Variants in GABRG3 observed in about 807,000 individuals in gnomAD.
The protein encoded by GABRG3 is gamma-aminobutyric acid type A receptor subunit gamma3, also known as gamma-aminobutyric acid receptor subunit gamma-3.
A neutral mutation model predicts 48.8 loss-of-function variants in GABRG3; 25 were observed. That is an observed-to-expected ratio of 0.51 (90% CI 0.37 to 0.72). The LOEUF (loss-of-function observed/expected upper bound fraction) is 0.72, where lower values mean the gene tolerates loss of function less well. Ranked by LOEUF, GABRG3 falls within the 30% of genes least tolerant of loss-of-function variation. GABRG3 has a pLI of 0.00. For synonymous variants in GABRG3, 227 were observed against 217.6 expected, an observed-to-expected ratio of 1.04 and a Z score of -0.38; for missense variants, 394 against 577.9, an observed-to-expected ratio of 0.68 and a Z score of 3.26.
chr15:27,129,299 A>C (rs1223130268), intron 3 of GABRG3, among the ~76,000 whole-genome samples: 1 of 152,220 alleles, frequency 6.6e-6, no homozygotes, highest in Non-Finnish European at 1.5e-5. Context: ...ATATAGTGGA[A>C]TCATACAGCA....
At chr15:27,247,667 AAAAG>A (rs1031522233) in intron 3 of GABRG3, among the ~76,000 whole-genome samples, 1 of 152,206 alleles carries the variant, frequency 6.6e-6, no homozygotes, top group African/African-American at 2.4e-5. Context: ...GGCAAATTAA[AAAAG>A]AAAGAGGTTT....
At chr15:27,307,237 T>C (rs1892610800) in intron 3 of GABRG3, among the ~76,000 whole-genome samples, 2 of 134,804 alleles carry the variant, frequency 1.5e-5, no homozygotes, top group Admixed American at 1.6e-4. Flanking sequence ...TTATATTATA[T>C]GTTTATATAT....
rs1894900921 is a variant in GABRG3, at chr15:26,974,502, T to G, written c.54-2500T>G. 6.8e-6 allele frequency among the ~76,000 whole-genome samples: 1 copy of G among 146,692 alleles called. No individual in the cohort carries two copies. ...TGGTCTGGCTCTGTAGTGGTGGGGG[T>G]AGGAGAGGGGAGGAGAACGGGAGGG... is the stretch of plus-strand genomic sequence containing the variant. On this transcript the variant is annotated intron_variant, in intron 1 of 9. Transcript: ENST00000615808. This position sits in a 1 kb window ranked among gnomAD's most constrained non-coding sequence, Gnocchi z 4.3.
Position 27,533,540 on chromosome 15 carries a change from T to C in GABRG3, c.*659T>C, listed in dbSNP as rs983893882. ...GAAAATAAGATTTTCAAAATGCTCA[T>C]GTTGTTGGGGTCAAAGATGATTATC... is the stretch of plus-strand genomic sequence containing the variant. On this transcript the variant is annotated 3_prime_UTR_variant, in exon 10 of 10. Coordinates refer to ENST00000615808, the MANE Select transcript of GABRG3 (RefSeq NM_033223.5). 2.6e-5 allele frequency: 4 copies of C among 152,318 alleles called. No homozygotes were observed. The highest frequency in any genetic ancestry group is 4.4e-5 in the Non-Finnish European group (3 of 68,128). The allele number at this position is 152,318 out of a possible 1,614,324, so 9.4% of individuals were successfully genotyped here.
chr15:26,983,598 T>A (rs1219464575), intron 2 of GABRG3, among the ~76,000 whole-genome samples: 1 of 152,030 alleles, frequency 6.6e-6, no homozygotes, highest in Non-Finnish European at 1.5e-5. Context: ...ATAAGAGACC[T>A]TGTTTCTACA....
intron 3 of GABRG3, among the ~76,000 whole-genome samples, chr15:27,166,679 C>A (rs1033546736): frequency 6.6e-6 from 1 of 152,062 alleles, no homozygotes; most frequent in African/African-American, 2.4e-5. Context: ...ATTGGGGTGG[C>A]AAAGCAAACA....
At chr15:27,454,343 G>A (rs537387302) in intron 5 of GABRG3, among the ~76,000 whole-genome samples, 2 of 152,124 alleles carry the variant, frequency 1.3e-5, no homozygotes, top group African/African-American at 2.4e-5. Context: ...ATAAGCCCAC[G>A]CCTTATCTAA....
chr15:27,218,707 T>C (rs1804776513), intron 3 of GABRG3, among the ~76,000 whole-genome samples: 1 of 152,204 alleles, frequency 6.6e-6, no homozygotes, highest in South Asian at 2.1e-4. Flanking sequence ...TCTTATGTGC[T>C]GGGTTTTTCA....
At chr15:27,109,738 C>T (rs1261603831) in intron 3 of GABRG3, among the ~76,000 whole-genome samples, 1 of 152,072 alleles carries the variant, frequency 6.6e-6, no homozygotes, top group African/African-American at 2.4e-5. Flanking sequence ...AACAATTAGC[C>T]GGATGTGGTG....
At chr15:27,120,074 G>C (rs1223823530) in intron 3 of GABRG3, among the ~76,000 whole-genome samples, 1 of 152,216 alleles carries the variant, frequency 6.6e-6, no homozygotes, top group Non-Finnish European at 1.5e-5. Flanking sequence ...GAGTTCGTCG[G>C]TGACAATAAT....
intron 5 of GABRG3, among the ~76,000 whole-genome samples, chr15:27,402,946 A>G (rs1887516972): frequency 6.6e-6 from 1 of 152,140 alleles, no homozygotes; most frequent in Admixed American, 6.5e-5. Context: ...GGTCTAGAGC[A>G]TGTACCTATG....
At chr15:27,383,732 C>T (rs1030033867) in intron 5 of GABRG3, among the ~76,000 whole-genome samples, 26 of 152,194 alleles carry the variant, frequency 1.7e-4, no homozygotes, top group Admixed American at 1.5e-3. Context: ...AAGCATAATA[C>T]AAATGTGCAT....
chr15:27,296,709 C>T (rs1595648818), intron 3 of GABRG3, among the ~76,000 whole-genome samples: 2 of 152,234 alleles, frequency 1.3e-5, no homozygotes, highest in Admixed American at 6.5e-5. Flanking sequence ...AACAAACCTA[C>T]TGCACTGCTA....
At position 26,971,481 on chromosome 15, in the gene GABRG3, A is replaced by T. The variant is rs549308548; in HGVS notation, c.-55A>T. The T allele has an allele frequency of 1.3e-5, 18 of 1,419,722 alleles. No homozygotes were observed. The African/African-American group carries it at 2.1e-4, about 17-fold the overall frequency. 87.9% of individuals were successfully genotyped at this position (1,419,722 alleles called of 1,614,324 possible). On this transcript the variant is annotated 5_prime_UTR_variant, in exon 1 of 10. Coordinates refer to ENST00000615808, the MANE Select transcript of GABRG3 (RefSeq NM_033223.5). Reference sequence around the variant, plus strand: ...CCGGCGGAGACCAGGTCCGCGCCGGAGGAAGCCGCGCCCGGCCGAGGCCCC... The same window carrying T: ...CCGGCGGAGACCAGGTCCGCGCCGGTGGAAGCCGCGCCCGGCCGAGGCCCC...
chr15:27,176,476 G>C (rs1887749214), intron 3 of GABRG3, among the ~76,000 whole-genome samples: 1 of 152,204 alleles, frequency 6.6e-6, no homozygotes, highest in South Asian at 2.1e-4. Context: ...GGAGACACAA[G>C]TGTTAATGAA....
chr15:27,242,565 A>G (rs529006573), intron 3 of GABRG3, among the ~76,000 whole-genome samples: 21 of 152,182 alleles, frequency 1.4e-4, no homozygotes, highest in Non-Finnish European at 2.9e-4. Flanking sequence ...GAAAGAATTC[A>G]TTGCTAATAC....
chr15:27,049,840 C>A (rs1036534338), intron 3 of GABRG3, among the ~76,000 whole-genome samples: 2 of 152,200 alleles, frequency 1.3e-5, no homozygotes, highest in Non-Finnish European at 2.9e-5. Context: ...GATGAAAGGT[C>A]ATATCCACCT....
At chr15:27,432,314 C>A (rs940324265) in intron 5 of GABRG3, among the ~76,000 whole-genome samples, 1 of 152,154 alleles carries the variant, frequency 6.6e-6, no homozygotes, top group Non-Finnish European at 1.5e-5. Context: ...ATATTATAAG[C>A]CCATAAACAC....
intron 3 of GABRG3, among the ~76,000 whole-genome samples, chr15:27,122,095 AAAAG>A (rs1897741338): frequency 6.6e-6 from 1 of 152,112 alleles, no homozygotes; most frequent in Non-Finnish European, 1.5e-5. Context: ...TAAAATAACT[AAAAG>A]AGTGTAATTG....
Sources: allele counts gnomAD v4.1 joint callset (sites outside exome capture counted in the v4.1 genomes callset), GRCh38; gene constraint gnomAD v4.1.1; non-coding constraint Gnocchi (gnomAD v3.1); transcripts MANE v1.5; gene names NCBI Gene and HGNC (gene_info 2026-07-23, HGNC 2026-07-21).